Variants in ZSCAN23 observed in about 807,000 individuals in gnomAD.
The protein encoded by ZSCAN23 is zinc finger and SCAN domain containing 23.
A neutral mutation model predicts 19.3 loss-of-function variants in ZSCAN23; 19 were observed. The ratio of observed to expected loss-of-function variants is 0.99; its 90% CI spans 0.69 to 1.45. ZSCAN23 has a LOEUF of 1.45. Ranked by LOEUF, ZSCAN23 falls within the 40% of genes most tolerant of loss-of-function variation. The pLI, the probability that ZSCAN23 is intolerant of heterozygous loss-of-function variation, is 0.00. For synonymous variants in ZSCAN23, 140 were observed against 166.2 expected (o/e 0.84, Z 1.21); for missense variants, 372 against 462.5 (o/e 0.80, Z 1.79).
chr6:28,431,080 G>T (rs1761751879), downstream of ZSCAN23, among the ~76,000 whole-genome samples: 1 of 151,668 alleles, frequency 6.6e-6, no homozygotes, highest in African/African-American at 2.4e-5. Flanking sequence ...GTTAACAATG[G>T]GTTTGTCTTA....
chr6:28,438,498 C>G (rs1269868624), intron 1 of ZSCAN23, among the ~76,000 whole-genome samples: 2 of 152,058 alleles, frequency 1.3e-5, no homozygotes, highest in African/African-American at 4.8e-5. Context: ...AAAGACATAC[C>G]CAAGACTGGG....
chr6:28,423,555 A>G, the ZSCAN23 span, among the ~76,000 whole-genome samples: 1 of 152,180 alleles, frequency 6.6e-6, no homozygotes, highest in Non-Finnish European at 1.5e-5. Context: ...GGTCTCCACC[A>G]CTGATGGCAA....
At chr6:28,432,269 TAAG>T (rs1761775098), downstream of ZSCAN23, among the ~76,000 whole-genome samples, 2 of 152,190 alleles carry the variant, frequency 1.3e-5, no homozygotes. Context: ...CATATTTACT[TAAG>T]AAGTTGATTT....
the ZSCAN23 span, among the ~76,000 whole-genome samples, chr6:28,422,288 G>GA: frequency 6.6e-6 from 1 of 151,886 alleles, no homozygotes; most frequent in Non-Finnish European, 1.5e-5. This position sits in a 1 kb window ranked among gnomAD's most constrained non-coding sequence, Gnocchi z 4.0. Flanking sequence ...TTTAAAAAAA[G>GA]AAAAAAGCAG....
rs771386325 is a variant in ZSCAN23 at position 28,434,605 on chromosome 6, G to A, written c.1030C>T (p.Arg344Ter). The change falls in exon 4 of 4, where the codon CGA becomes TGA. Residue 344 changes from arginine (R) to a stop codon, truncating the protein, a stop_gained. Coordinates refer to ENST00000289788, the MANE Select transcript of ZSCAN23 (RefSeq NM_001012455.2). LOFTEE classifies it low-confidence loss of function (END_TRUNC). ...QCNQCNKSFS[R>*]RSVLIKHQRI... is the part of the protein sequence containing the mutation. ...TGATGCTTAATGAGGACTGAACGTCGACTAAAACTCTTATTGCACTGATTG... is the reference window on the plus strand; with the variant it reads ...TGATGCTTAATGAGGACTGAACGTCAACTAAAACTCTTATTGCACTGATTG... The A allele has an allele frequency of 1.3e-5, 20 of 1,556,058 alleles. No individual in the cohort carries two copies. The highest frequency in any genetic ancestry group is 2.0e-5 in the Admixed American group (1 of 51,232).
Position 28,435,563 on chromosome 6 carries a change from C to T in ZSCAN23, c.453G>A (p.Lys151=). The change falls in exon 3 of 4, where the codon AAG becomes AAA. Residue 151 remains lysine, a synonymous_variant. Coordinates refer to ENST00000289788, the MANE Select transcript of ZSCAN23 (RefSeq NM_001012455.2). ...ACTCCTGAGCTGCTCCTGGAGTTGC[C>T]TTCTCCTTTACAAACTCTTCCTGTT... is the stretch of plus-strand genomic sequence containing the variant. ...AHEQEEFVKE[K]ATPGAAQESS... 1 of 1,551,722 alleles carries T rather than the reference C, an allele frequency of 6.4e-7. No individual in the cohort carries two copies.
chr6:28,435,409 A>T, intron 3 of ZSCAN23, 51 bp downstream of exon 3: 1 of 1,534,278 alleles, frequency 6.5e-7, no homozygotes, highest in South Asian at 1.2e-5. Flanking sequence ...GGTTGAATTG[A>T]TAAATATTCA....
At chr6:28,441,927 A>G (rs1337482037) in intron 1 of ZSCAN23, among the ~76,000 whole-genome samples, 7 of 130,432 alleles carry the variant, frequency 5.4e-5, no homozygotes, top group Non-Finnish European at 9.4e-5. Context: ...CCCAGGCGGG[A>G]GTGCAGTGGT....
downstream of ZSCAN23, chr6:28,431,824 T>C (rs1419647738): frequency 6.6e-6 from 1 of 152,252 alleles, no homozygotes; most frequent in Non-Finnish European, 1.5e-5. Flanking sequence ...ATAATTATTA[T>C]GAAGATGAAG....
chr6:28,443,363 G>C (rs1299941588), intron 1 of ZSCAN23, 36 bp downstream of exon 1: 1 of 152,544 alleles, frequency 6.6e-6, no homozygotes, highest in Non-Finnish European at 1.5e-5. Context: ...TGGCCCTTCC[G>C]AAGCCCCTCA....
In ZSCAN23 at chr6:28,436,347, G is replaced by A. The variant is rs1017407319; in HGVS notation, c.-77-4C>T. On this transcript the variant is annotated splice_region_variant and splice_polypyrimidine_tract_variant and intron_variant, in intron 1 of 3. Coordinates refer to ENST00000289788, the MANE Select transcript of ZSCAN23 (RefSeq NM_001012455.2). ...TTTCTTCTGGAAACCCCGAGATCTAGACAATAATTTACGAAGAAAAAAATA... is the reference window on the plus strand; with the variant it reads ...TTTCTTCTGGAAACCCCGAGATCTAAACAATAATTTACGAAGAAAAAAATA... 1 of 1,258,314 alleles carries A rather than the reference G, an allele frequency of 7.9e-7. No individual in the cohort carries two copies. The highest frequency in any genetic ancestry group is 1.0e-6 in the Non-Finnish European group (1 of 975,448). 77.9% of individuals were successfully genotyped at this position (1,258,314 alleles called of 1,614,324 possible).
chr6:28,427,367 T>C (rs1231137381), downstream of ZSCAN23, among the ~76,000 whole-genome samples: 1 of 152,232 alleles, frequency 6.6e-6, no homozygotes, highest in Admixed American at 6.5e-5. Flanking sequence ...CAGTTATGCA[T>C]TGCTTAATCA....
downstream of ZSCAN23, among the ~76,000 whole-genome samples, chr6:28,432,275 G>A (rs772420064): frequency 1.3e-5 from 2 of 151,984 alleles, no homozygotes; most frequent in African/African-American, 2.4e-5. Context: ...TACTTAAGAA[G>A]TTGATTTTAC....
At chr6:28,431,853 T>G (rs766548277), downstream of ZSCAN23, 7 of 152,252 alleles carry the variant, frequency 4.6e-5, no homozygotes, top group Admixed American at 6.5e-5. Context: ...TTGGCAACAC[T>G]CTGTCTCTGC....
chr6:28,436,742 G>C (rs530676472), intron 1 of ZSCAN23, among the ~76,000 whole-genome samples: 1 of 152,138 alleles, frequency 6.6e-6, no homozygotes, highest in African/African-American at 2.4e-5. Flanking sequence ...GGAGGATGGA[G>C]GGAAAGTAAA....
rs181666351 is a variant in ZSCAN23 at position 28,440,484 on chromosome 6, T to C, written c.-78+2915A>G. Among the ~76,000 whole-genome samples, 403 of 152,294 alleles carry C rather than the reference T, an allele frequency of 2.6e-3. 1 individual carries two copies. Among genetic ancestry groups the C allele is most frequent in the Middle Eastern group, 0.01 (3 of 294 alleles). On this transcript the variant is annotated intron_variant, in intron 1 of 3. Transcript: ENST00000289788. Reference sequence around the variant, plus strand: ...GATCATCATGGCTTGAAACATGATCTGCTGAATTGGTTCTAGGGTAAGAAA... The same window carrying C: ...GATCATCATGGCTTGAAACATGATCCGCTGAATTGGTTCTAGGGTAAGAAA...
rs1486449734 is a variant in ZSCAN23, at chr6:28,434,325, C to T, written c.*140G>A. 1.5e-5 allele frequency: 15 copies of T among 983,252 alleles called. No homozygotes were observed. Among genetic ancestry groups the T allele is most frequent in the African/African-American group, 6.6e-5 (4 of 60,924 alleles). The allele number at this position is 983,252 out of a possible 1,614,324, so 60.9% of individuals were successfully genotyped here. On this transcript the variant is annotated 3_prime_UTR_variant, in exon 4 of 4. Transcript: ENST00000289788. ...TGTGGATGTCACTGATCAGAGAACTCGGCAGATGTATTTAAGATATTATGC... is the reference window on the plus strand; with the variant it reads ...TGTGGATGTCACTGATCAGAGAACTTGGCAGATGTATTTAAGATATTATGC...
intron 1 of ZSCAN23, among the ~76,000 whole-genome samples, chr6:28,442,104 C>T (rs529160273): frequency 2.0e-5 from 3 of 151,824 alleles, no homozygotes; most frequent in Admixed American, 6.6e-5. Flanking sequence ...CTCGAACTCC[C>T]GACCTCACGT....
At chr6:28,428,816 C>A (rs1429255154), downstream of ZSCAN23, among the ~76,000 whole-genome samples, 1 of 152,204 alleles carries the variant, frequency 6.6e-6, no homozygotes, top group Non-Finnish European at 1.5e-5. Context: ...GGAGTACCAC[C>A]AGCATACTGA....
Sources: allele counts gnomAD v4.1 joint callset (sites outside exome capture counted in the v4.1 genomes callset), GRCh38; gene constraint gnomAD v4.1.1; non-coding constraint Gnocchi (gnomAD v3.1); transcripts MANE v1.5; gene names NCBI Gene and HGNC (gene_info 2026-07-23, HGNC 2026-07-21).